The following TRIO variants were observed in gnomAD, a reference collection of about 807,000 sequenced individuals.
The protein encoded by TRIO is triple functional domain protein.
Under a neutral mutation model 351.9 loss-of-function variants are expected in TRIO, and 58 were observed. The observed-to-expected ratio is 0.16, with a 90% CI of 0.13 to 0.21. TRIO has a LOEUF of 0.21. Among genes scored for constraint, TRIO ranks in the 10% least tolerant of loss-of-function variants. The pLI, the probability that TRIO is intolerant of heterozygous loss-of-function variation, is 1.00. For synonymous variants in TRIO, 1,758 were observed against 1,595.7 expected, an observed-to-expected ratio of 1.10 and a Z score of -2.42; for missense variants, 3,201 against 4,027.8, an observed-to-expected ratio of 0.79 and a Z score of 5.56.
chr5:14,168,297 G>C (rs937374829), intron 1 of TRIO, among the ~76,000 whole-genome samples: 2 of 152,332 alleles, frequency 1.3e-5, no homozygotes, highest in East Asian at 3.9e-4. Context: ...TTTATGTGCT[G>C]TTCACACAGC....
Position 14,394,137 on chromosome 5 carries a change from A to C in TRIO, c.4311+7A>C. ...GTATCAGCTCCTTTTAAAAGTATGT[A>C]TAATGCGTCTTCAGCCTGTGAAATT... On this transcript the variant is annotated splice_region_variant and intron_variant, in intron 28 of 56. Coordinates refer to ENST00000344204, the MANE Select transcript of TRIO (RefSeq NM_007118.4). 6.4e-7 allele frequency: 1 copy of C among 1,566,788 alleles called. No homozygotes were observed. Among genetic ancestry groups the C allele is most frequent in the Non-Finnish European group, 8.8e-7 (1 of 1,140,720 alleles).
At chr5:14,271,876 A>G (rs1402479839) in intron 2 of TRIO, among the ~76,000 whole-genome samples, 1 of 152,124 alleles carries the variant, frequency 6.6e-6, no homozygotes, top group African/African-American at 2.4e-5. Context: ...GCAGCTTCCT[A>G]TGGTGTTTTT....
At chr5:14,184,566 A>T (rs375565043) in intron 1 of TRIO, among the ~76,000 whole-genome samples, 33 of 152,252 alleles carry the variant, frequency 2.2e-4, no homozygotes, top group African/African-American at 7.5e-4. Flanking sequence ...GCTATGGACG[A>T]GTCTAATTTC....
intron 1 of TRIO, among the ~76,000 whole-genome samples, chr5:14,265,491 A>G (rs1795621378): frequency 6.6e-6 from 1 of 152,222 alleles, no homozygotes; most frequent in Admixed American, 6.5e-5. Context: ...CCAGTTATGT[A>G]AAAATACCAT....
At chr5:14,207,262 T>TACACACACACACAC (rs56915481) in intron 1 of TRIO, among the ~76,000 whole-genome samples, 4,264 of 45,968 alleles carry the variant, frequency 0.093, 967 homozygotes, top group Non-Finnish European at 0.12. Flanking sequence ...AGATGGTCTC[T>TACACACACACACAC]ACACACACAC....
Position 14,461,260 on chromosome 5 carries a change from G to A in TRIO, c.5445G>A (p.Gln1815=). 6.3e-7 allele frequency: 1 copy of A among 1,596,706 alleles called. No individual in the cohort carries two copies. Among genetic ancestry groups the A allele is most frequent in the Non-Finnish European group, 8.5e-7 (1 of 1,173,412 alleles). Residue 1815 remains glutamine, a synonymous_variant, in exon 35 of 57, where the codon CAG becomes CAA. Transcript: ENST00000344204. ...GCAAGAGCGCCGACGCCGGCTCGCA[G>A]AAGGACTCCGACGACAGTGCGGCCA... The part of the protein sequence containing the change: ...EVRKSADAGS[Q]KDSDDSAATP...
At chr5:14,484,312 T>G (rs1442019559) in intron 46 of TRIO, among the ~76,000 whole-genome samples, 1 of 152,236 alleles carries the variant, frequency 6.6e-6, no homozygotes, top group Admixed American at 6.5e-5. Context: ...ATGGTGTCAT[T>G]TACTCCCTGG....
chr5:14,387,526 G>A lies in TRIO; in HGVS notation c.3659G>A (p.Cys1220Tyr). The stretch of plus-strand genomic sequence containing the variant: ...GCCCATGCGGCAGAGATAAAAAAAT[G>A]TGTTACTGCTGTGGATAAGAGGTAC... ...GHAHAAEIKKCVTAVDKRYRD... is the reference protein window; with the variant it reads ...GHAHAAEIKKYVTAVDKRYRD... Residue 1220 changes from cysteine to tyrosine, a missense_variant, in exon 22 of 57, where the codon TGT becomes TAT. Physicochemically the swap from Cys to Tyr is radical, Grantham distance 194. Transcript: ENST00000344204. The A allele has an allele frequency of 1.2e-6, 2 of 1,614,260 alleles. No homozygotes were observed. Among genetic ancestry groups the A allele is most frequent in the Non-Finnish European group, 1.7e-6 (2 of 1,180,042 alleles).
chr5:14,289,582 T>G (rs30627), intron 4 of TRIO, among the ~76,000 whole-genome samples: 75,502 of 151,772 alleles, frequency 0.5, 19,483 homozygotes, highest in East Asian at 0.58. Context: ...GTGCGATGTC[T>G]CATGCCTGTA....
chr5:14,143,960 C>T, intron 1 of TRIO, 78 bp downstream of exon 1: 3 of 994,378 alleles, frequency 3.0e-6, no homozygotes, highest in Non-Finnish European at 3.6e-6. Flanking sequence ...CTGCCGAGCT[C>T]CGGCCACCGC....
chr5:14,240,237 T>C (rs917306842), intron 1 of TRIO, among the ~76,000 whole-genome samples: 2 of 152,262 alleles, frequency 1.3e-5, no homozygotes, highest in African/African-American at 2.4e-5. Flanking sequence ...TGTGCTTACA[T>C]TGGTTTATTT....
rs138215424 is a variant in TRIO at position 14,152,093 on chromosome 5, C to A, written c.157+8211C>A. ...TAACTAGCTTCACACAATAAAATCT[C>A]TAAAGTTTAAATTGCCCAATATTTT... On this transcript the variant is annotated intron_variant, in intron 1 of 56. Coordinates refer to ENST00000344204, the MANE Select transcript of TRIO (RefSeq NM_007118.4). Among the ~76,000 whole-genome samples the A allele has an allele frequency of 9.7e-3, 1,473 of 152,230 alleles. 28 individuals carry two copies. The highest frequency in any genetic ancestry group is 0.034 in the African/African-American group (1,419 of 41,532).
rs1339885096 is a variant in TRIO at position 14,168,092 on chromosome 5, C to T, written c.157+24210C>T. ...GAATGTTACTAATTTCTGGCAGGAT[C>T]CCTGGAAAAGTTTCTAGAACAATTG... On this transcript the variant is annotated intron_variant, in intron 1 of 56. Coordinates refer to ENST00000344204, the MANE Select transcript of TRIO (RefSeq NM_007118.4). 2.6e-5 allele frequency among the ~76,000 whole-genome samples: 4 copies of T among 152,108 alleles called. No homozygotes were observed. In the East Asian group the frequency reaches 7.7e-4, roughly 29 times the overall value.
chr5:14,410,158 C>T (rs1294878404), intron 33 of TRIO, among the ~76,000 whole-genome samples: 3 of 152,176 alleles, frequency 2.0e-5, no homozygotes, highest in Non-Finnish European at 4.4e-5. Context: ...TGGAGACCTG[C>T]ATTTGGGATT....
At position 14,282,467 on chromosome 5, in the gene TRIO, T is replaced by A. The variant is rs114925343; in HGVS notation, c.347+2031T>A. Among the ~76,000 whole-genome samples the A allele has an allele frequency of 8.6e-3, 1,309 of 152,320 alleles. 14 individuals carry two copies. The highest frequency in any genetic ancestry group is 0.03 in the African/African-American group (1,231 of 41,558). On this transcript the variant is annotated intron_variant, in intron 3 of 56. Coordinates refer to ENST00000344204, the MANE Select transcript of TRIO (RefSeq NM_007118.4). ...GTAACTTTGACAACTTGCTTTTTGG[T>A]CTTGAAACCTATGTTAATAGTAAAT...
chr5:14,461,049 G>C lies in TRIO; in HGVS notation c.5234G>C (p.Ser1745Thr). Residue 1745 changes from serine to threonine, a missense_variant, in exon 35 of 57, where the codon AGT becomes ACT. Physicochemically the swap from Ser to Thr is moderately conservative, Grantham distance 58. Transcript: ENST00000344204. ...CTCTCCGTCTCCAGCAATGACGCCA[G>C]TCCACCCGCATCCGTGGCTTCCCTC... is the stretch of plus-strand genomic sequence containing the variant. ...DSLSVSSNDASPPASVASLQP... is the reference protein window; with the variant it reads ...DSLSVSSNDATPPASVASLQP... 1 of 1,584,328 alleles carries C rather than the reference G, an allele frequency of 6.3e-7. No individual in the cohort carries two copies. The highest frequency in any genetic ancestry group is 1.4e-5 in the African/African-American group (1 of 73,998).
At position 14,496,379 on chromosome 5, in the gene TRIO, A is replaced by G. The variant is rs146997868; in HGVS notation, c.7881-500A>G. Among the ~76,000 whole-genome samples, 20 of 152,314 alleles carry G rather than the reference A, an allele frequency of 1.3e-4. No individual in the cohort carries two copies. In the East Asian group the frequency reaches 3.9e-3, roughly 29 times the overall value. ...ATCTGCATGTGGACCAGCAGGCTTCAGACCCCGGAGAGCACGTGGTGCAGG... is the reference window on the plus strand; with the variant it reads ...ATCTGCATGTGGACCAGCAGGCTTCGGACCCCGGAGAGCACGTGGTGCAGG... On this transcript the variant is annotated intron_variant, in intron 49 of 56. Transcript: ENST00000344204.
intron 10 of TRIO, among the ~76,000 whole-genome samples, chr5:14,334,886 C>T (rs901430033): frequency 1.3e-5 from 2 of 152,230 alleles, no homozygotes; most frequent in African/African-American, 2.4e-5. Flanking sequence ...CATGGCTGAC[C>T]ATGGTCACAG....
intron 1 of TRIO, among the ~76,000 whole-genome samples, chr5:14,204,362 C>T (rs1791330191): frequency 6.6e-6 from 1 of 152,026 alleles, no homozygotes; most frequent in Non-Finnish European, 1.5e-5. Context: ...TTTCCTTGGT[C>T]GATGGTCACA....
Sources: allele counts gnomAD v4.1 joint callset (sites outside exome capture counted in the v4.1 genomes callset), GRCh38; gene constraint gnomAD v4.1.1; transcripts MANE v1.5; gene names NCBI Gene and HGNC (gene_info 2026-07-23, HGNC 2026-07-21).